MYB: variants seen among roughly 807,000 people sequenced by gnomAD.
MYB encodes MYB proto-oncogene, transcription factor.
Under a neutral mutation model 92.9 loss-of-function variants are expected in MYB, and 28 were observed. The ratio of observed to expected loss-of-function variants is 0.30; its 90% CI spans 0.22 to 0.41. The LOEUF (loss-of-function observed/expected upper bound fraction) is 0.41, where lower values mean the gene tolerates loss of function less well. Among genes scored for constraint, MYB ranks in the 10% least tolerant of loss-of-function variants. The pLI is 1.00. For missense variants in MYB, 679 were observed against 929.3 expected (o/e 0.73, Z 3.50); for synonymous variants, 295 against 329.1 (o/e 0.90, Z 1.12).
At position 135,187,822 on chromosome 6, in the gene MYB, T is replaced by G. The variant is rs1776123183; in HGVS notation, c.142-12T>G. 6 of 1,588,566 alleles carry G rather than the reference T, an allele frequency of 3.8e-6. No individual in the cohort carries two copies. Among genetic ancestry groups the G allele is most frequent in the Non-Finnish European group, 5.2e-6 (6 of 1,161,980 alleles). On this transcript the variant is annotated splice_polypyrimidine_tract_variant and intron_variant, in intron 2 of 15. Coordinates refer to ENST00000341911, the MANE Select transcript of MYB (RefSeq NM_001130173.2). Reference sequence around the variant, plus strand: ...ATAACTGATATCCTAGGATTACCTTTAAATGTCTTAGGATGAAAAACTGAA... The same window carrying G: ...ATAACTGATATCCTAGGATTACCTTGAAATGTCTTAGGATGAAAAACTGAA...
chr6:135,197,840 G>A (rs1335243566), intron 10 of MYB, among the ~76,000 whole-genome samples: 3 of 152,134 alleles, frequency 2.0e-5, no homozygotes, highest in Non-Finnish European at 4.4e-5. Context: ...AGAAACAAAT[G>A]CTTAAGGAAA....
chr6:135,186,155 G>C, intron 2 of MYB, 135 bp downstream of exon 2: 2 of 672,100 alleles, frequency 3.0e-6, no homozygotes, highest in Admixed American at 2.5e-5. Flanking sequence ...CGCATGTGCA[G>C]CGTGCCCTAT....
At position 135,193,832 on chromosome 6, in the gene MYB, A is replaced by G; in HGVS notation, c.763-6A>G. On this transcript the variant is annotated splice_polypyrimidine_tract_variant and splice_region_variant and intron_variant, in intron 6 of 15. Coordinates refer to ENST00000341911, the MANE Select transcript of MYB (RefSeq NM_001130173.2). ...ACGTGGCCTTTGTTTTGTCTTTTGC[A>G]TCTAGGTCTCCAGTCATGTTCCATA... 3.1e-6 allele frequency: 5 copies of G among 1,606,212 alleles called. No individual in the cohort carries two copies. The highest frequency in any genetic ancestry group is 4.3e-6 in the Non-Finnish European group (5 of 1,172,994).
chr6:135,194,863 G>T, intron 8 of MYB: 1 of 1,115,806 alleles, frequency 9.0e-7, no homozygotes, highest in Middle Eastern at 2.3e-4. Context: ...TTTCAGACAT[G>T]ATTTGATGCA....
chr6:135,194,229 T>C (rs1421454819), intron 7 of MYB, 127 bp from the exon 8 acceptor site: 2 of 683,816 alleles, frequency 2.9e-6, no homozygotes, highest in Admixed American at 2.9e-5. Context: ...CCAAATTTGG[T>C]TGGTGGTGTT....
rs1163204604 is a variant in MYB at position 135,218,811 on chromosome 6, G to C, written c.*831G>C. 4.6e-6 allele frequency: 1 copy of C among 218,144 alleles called. No individual in the cohort carries two copies. The highest frequency in any genetic ancestry group is 9.2e-6 in the Non-Finnish European group (1 of 108,464). 13.5% of individuals were successfully genotyped at this position (218,144 alleles called of 1,614,324 possible). On this transcript the variant is annotated 3_prime_UTR_variant, in exon 16 of 16. Transcript: ENST00000341911. ...CTGCAATACATTTGAAAACTTGTTTGGGAGACTCTGCATTTTTTATTGTGG... is the reference window on the plus strand; with the variant it reads ...CTGCAATACATTTGAAAACTTGTTTCGGAGACTCTGCATTTTTTATTGTGG...
chr6:135,214,292 G>A (rs1162376153), intron 15 of MYB, among the ~76,000 whole-genome samples: 1 of 150,866 alleles, frequency 6.6e-6, no homozygotes, highest in African/African-American at 2.4e-5. Flanking sequence ...AAGAAAAATG[G>A]ACAAGAAAAT....
rs1475640635 is a variant in MYB, at chr6:135,190,702, TTGTCTC to T, written c.527+358_527+363del. ...TGCATAGAAAGAAACTGAAGACAGT[TTGTCTC>T]TGGCAGTTCACGTAGCTGGTTAAGT... On this transcript the variant is annotated intron_variant, in intron 5 of 15. Transcript: ENST00000341911. The surrounding 1 kb of genome is among the most constrained non-coding windows in gnomAD (Gnocchi z 4.5). Among the ~76,000 whole-genome samples the T allele has an allele frequency of 6.6e-6, 1 of 152,240 alleles. No homozygotes were observed. The highest frequency in any genetic ancestry group is 2.4e-5 in the African/African-American group (1 of 41,472).
intron 15 of MYB, chr6:135,203,548 G>A: frequency 1.4e-6 from 1 of 696,554 alleles, no homozygotes; most frequent in Non-Finnish European, 2.3e-6. Context: ...TTTTATCAGT[G>A]CAGATTCCCC....
intron 2 of MYB, among the ~76,000 whole-genome samples, chr6:135,186,792 A>G (rs1020458404): frequency 4.6e-5 from 7 of 152,246 alleles, no homozygotes; most frequent in Non-Finnish European, 1.0e-4. Context: ...AATATTTTAG[A>G]AGCAAAATTA....
chr6:135,200,306 A>G lies in MYB; in HGVS notation c.1841A>G (p.His614Arg), dbSNP rs766283026. The G allele has an allele frequency of 5.6e-6, 9 of 1,614,068 alleles. No homozygotes were observed. The highest frequency in any genetic ancestry group is 1.1e-5 in the South Asian group (1 of 91,072). The change falls in exon 13 of 16, where the codon CAT (histidine) becomes CGT (arginine). Residue 614 changes from histidine (H) to arginine (R), a missense_variant. This residue lies in a region of MYB where 402 missense variants were observed against 434.2 expected (regional missense o/e 0.93). Transcript: ENST00000341911. The part of the protein sequence containing the change: ...PLKMLPQTPS[H>R]LVEDLQDVIK... ...TCCGTTTAGCCTCAGACACCCTCTC[A>G]TCTAGTAGAAGATCTGCAGGATGTG...
chr6:135,195,305 T>C (rs1777149622), intron 8 of MYB: 1 of 297,920 alleles, frequency 3.4e-6, no homozygotes. Context: ...TAGAAAGGGA[T>C]AGAAGCAACA....
rs190986138 is a variant in MYB, at chr6:135,218,970, G to C, written c.*990G>C. ...AATTTGGGAGTTCTGCATTTGATCC[G>C]CATCCCCTGTGGTTTCTAAGTGTAT... On this transcript the variant is annotated 3_prime_UTR_variant, in exon 16 of 16. Transcript: ENST00000341911. 4.5e-6 allele frequency: 1 copy of C among 223,994 alleles called. No homozygotes were observed. Among genetic ancestry groups the C allele is most frequent in the Admixed American group, 5.7e-5 (1 of 17,478 alleles). 13.9% of individuals were successfully genotyped at this position (223,994 alleles called of 1,614,324 possible). A position where few individuals can be genotyped will look rare whatever the true frequency, so the allele number is the denominator to read the frequency against.
At chr6:135,201,365 A>G (rs533123158) in intron 13 of MYB, among the ~76,000 whole-genome samples, 51 of 152,364 alleles carry the variant, frequency 3.3e-4, no homozygotes, top group Admixed American at 7.2e-4. Context: ...TATCATTAAA[A>G]TATATTCTTA....
Position 135,181,416 on chromosome 6 carries a change from C to G in MYB, c.-98C>G. ...GCCCCAGCGGTGCGGAGCGCCGCTG[C>G]GCAGCCGGGGAGGGACGCAGGCAGG... On this transcript the variant is annotated 5_prime_UTR_variant, in exon 1 of 16. Transcript: ENST00000341911. This position sits in a 1 kb window ranked among gnomAD's most constrained non-coding sequence, Gnocchi z 5.3. The G allele has an allele frequency of 3.5e-6, 3 of 864,172 alleles. No homozygotes were observed. The highest frequency in any genetic ancestry group is 4.3e-6 in the Non-Finnish European group (3 of 691,008). The allele number at this position is 864,172 out of a possible 1,614,324, so 53.5% of individuals were successfully genotyped here.
chr6:135,205,549 G>A (rs1778744806), intron 15 of MYB, among the ~76,000 whole-genome samples: 1 of 152,138 alleles, frequency 6.6e-6, no homozygotes, highest in Non-Finnish European at 1.5e-5. Flanking sequence ...TCAAAATTAA[G>A]TTATAGCTCT....
rs148441166 is a variant in MYB, at chr6:135,194,110, C to T, written c.843+192C>T. On this transcript the variant is annotated intron_variant, in intron 7 of 15. Coordinates refer to ENST00000341911, the MANE Select transcript of MYB (RefSeq NM_001130173.2). ...GAGTTTGCTCTGGAATTTTCTGATTCTTTGATGTTGCAAGGTGAAATAACT... is the reference window on the plus strand; with the variant it reads ...GAGTTTGCTCTGGAATTTTCTGATTTTTTGATGTTGCAAGGTGAAATAACT... 4.8e-4 allele frequency among the ~76,000 whole-genome samples: 73 copies of T among 152,286 alleles called. 2 individuals are homozygous for T. In the East Asian group the frequency reaches 0.013, roughly 27 times the overall value.
intron 15 of MYB, among the ~76,000 whole-genome samples, chr6:135,212,131 T>C (rs1043723275): frequency 3.6e-4 from 54 of 152,064 alleles, no homozygotes; most frequent in African/African-American, 1.3e-3. Flanking sequence ...AAAATTCTTA[T>C]TTTTTACTGT....
intron 1 of MYB, among the ~76,000 whole-genome samples, chr6:135,183,344 C>G (rs1270364210): frequency 1.3e-5 from 2 of 152,314 alleles, no homozygotes; most frequent in East Asian, 3.9e-4. Context: ...GGCCACAAGG[C>G]ACTTCCTCCC....
Sources: allele counts gnomAD v4.1 joint callset (sites outside exome capture counted in the v4.1 genomes callset), GRCh38; gene constraint gnomAD v4.1.1; regional missense constraint gnomAD v4.1.1; non-coding constraint Gnocchi (gnomAD v3.1); transcripts MANE v1.5; gene names NCBI Gene and HGNC (gene_info 2026-07-23, HGNC 2026-07-21).